Variants in DPF3 observed in about 807,000 individuals in gnomAD.
DPF3 encodes zinc finger protein DPF3.
In DPF3, 18 loss-of-function variants were observed where a neutral mutation model predicts 56.8. That is an observed-to-expected ratio of 0.32 (90% CI 0.22 to 0.47). The LOEUF (loss-of-function observed/expected upper bound fraction) is 0.47. Ranked by LOEUF, DPF3 falls within the 20% of genes least tolerant of loss-of-function variation. The pLI is 1.00. For missense variants in DPF3, 403 were observed against 488.8 expected, an observed-to-expected ratio of 0.82 and a Z score of 1.65; for synonymous variants, 188 against 180.2, an observed-to-expected ratio of 1.04 and a Z score of -0.35.
chr14:72,697,139 T>C (rs1214540147), intron 6 of DPF3, among the ~76,000 whole-genome samples: 1 of 152,212 alleles, frequency 6.6e-6, no homozygotes, highest in Admixed American at 6.5e-5. Flanking sequence ...AAGAGCCCTC[T>C]GGATGGAGCT....
rs552860921 is a variant in DPF3, at chr14:72,614,094, CT to C, written c.*5202del. Among the ~76,000 whole-genome samples the C allele has an allele frequency of 4.3e-3, 651 of 152,348 alleles. 7 individuals are homozygous for C. The highest frequency in any genetic ancestry group is 0.015 in the African/African-American group (633 of 41,582). ...GCCCAAAGGCCTTGAACCAACCCATCTGTCCCATTGTTTCCACACTCAGGGC... is the reference window on the plus strand; with the variant it reads ...GCCCAAAGGCCTTGAACCAACCCATCGTCCCATTGTTTCCACACTCAGGGC... On this transcript the variant is annotated 3_prime_UTR_variant, in exon 11 of 11. Transcript: ENST00000556509.
At chr14:72,821,497 T>C (rs1021430978) in intron 1 of DPF3, among the ~76,000 whole-genome samples, 3 of 150,966 alleles carry the variant, frequency 2.0e-5, no homozygotes, top group Non-Finnish European at 4.4e-5. Flanking sequence ...AGCCACTAGG[T>C]TGAGTAAACG....
intron 5 of DPF3, among the ~76,000 whole-genome samples, chr14:72,722,288 T>C (rs1299481637): frequency 2.0e-5 from 3 of 152,334 alleles, no homozygotes; most frequent in Admixed American, 1.3e-4. Flanking sequence ...GTCCCAGCTG[T>C]ACCAGAAGTG....
intron 1 of DPF3, among the ~76,000 whole-genome samples, chr14:72,773,489 T>C (rs762832844): frequency 6.6e-6 from 1 of 152,188 alleles, no homozygotes; most frequent in African/African-American, 2.4e-5. Context: ...ATCTTAAGTG[T>C]ACAGTTTAAG....
At chr14:72,850,807 A>G (rs1439865145) in intron 1 of DPF3, among the ~76,000 whole-genome samples, 3 of 151,748 alleles carry the variant, frequency 2.0e-5, no homozygotes, top group East Asian at 1.9e-4. Context: ...GCATGTGTGC[A>G]TGTGTGTGTG....
chr14:72,770,156 C>T (rs989287415), intron 2 of DPF3, among the ~76,000 whole-genome samples: 1 of 152,078 alleles, frequency 6.6e-6, no homozygotes, highest in Non-Finnish European at 1.5e-5. Context: ...GATGAAAGTA[C>T]ACACTACCAC....
intron 1 of DPF3, among the ~76,000 whole-genome samples, chr14:72,863,234 A>G (rs1222886503): frequency 6.6e-6 from 1 of 151,300 alleles, no homozygotes; most frequent in Non-Finnish European, 1.5e-5. Context: ...TCAAAAGACA[A>G]AGAAATCTCA....
intron 8 of DPF3, among the ~76,000 whole-genome samples, chr14:72,643,212 C>T (rs975075832): frequency 2.6e-5 from 4 of 152,210 alleles, no homozygotes; most frequent in African/African-American, 9.6e-5. Flanking sequence ...AATATAGCAA[C>T]ATTTTCTCCT....
At chr14:72,621,322 CTGTT>C (rs1884429755) in intron 9 of DPF3, among the ~76,000 whole-genome samples, 1 of 152,104 alleles carries the variant, frequency 6.6e-6, no homozygotes, top group African/African-American at 2.4e-5. Context: ...TGCTCGGAAA[CTGTT>C]TGTGATCTGG....
At chr14:72,790,808 C>T (rs190692921) in intron 1 of DPF3, among the ~76,000 whole-genome samples, 7 of 152,314 alleles carry the variant, frequency 4.6e-5, no homozygotes, top group African/African-American at 1.7e-4. Context: ...ACTTCTCCCC[C>T]CTCAAGAGCC....
intron 5 of DPF3, among the ~76,000 whole-genome samples, chr14:72,720,628 A>G (rs76606645): frequency 1.3e-5 from 2 of 152,110 alleles, no homozygotes; most frequent in Non-Finnish European, 2.9e-5. Context: ...TCTCTTTTCC[A>G]TCATTCAATC....
intron 1 of DPF3, among the ~76,000 whole-genome samples, chr14:72,812,210 A>G (rs746710428): frequency 6.6e-6 from 1 of 152,066 alleles, no homozygotes; most frequent in Non-Finnish European, 1.5e-5. Context: ...TGCTCCCACC[A>G]GCCCCGCTTA....
chr14:72,689,491 C>A (rs1388320039), intron 7 of DPF3, among the ~76,000 whole-genome samples: 1 of 152,130 alleles, frequency 6.6e-6, no homozygotes, highest in African/African-American at 2.4e-5. Context: ...AAAAGCCTCA[C>A]CAAGGGAGGA....
intron 1 of DPF3, among the ~76,000 whole-genome samples, chr14:72,848,647 T>C (rs145944741): frequency 1.3e-5 from 2 of 152,322 alleles, no homozygotes; most frequent in Non-Finnish European, 2.9e-5. Flanking sequence ...CACCATTATG[T>C]AAAGCAGGTA....
intron 1 of DPF3, among the ~76,000 whole-genome samples, chr14:72,881,951 G>C (rs1599522749): frequency 6.6e-6 from 1 of 152,202 alleles, no homozygotes; most frequent in Non-Finnish European, 1.5e-5. Flanking sequence ...TAAGTGAAGG[G>C]GGGGAAGATA....
chr14:72,842,525 G>A (rs1884588297), intron 1 of DPF3, among the ~76,000 whole-genome samples: 1 of 152,208 alleles, frequency 6.6e-6, no homozygotes, highest in Non-Finnish European at 1.5e-5. Flanking sequence ...ACTCAGAATA[G>A]TCACCCTTGG....
chr14:72,768,270 T>C (rs1891373857), intron 2 of DPF3, among the ~76,000 whole-genome samples: 1 of 152,246 alleles, frequency 6.6e-6, no homozygotes, highest in African/African-American at 2.4e-5. Flanking sequence ...TTACGTTTTC[T>C]AAATTATGTT....
At chr14:72,818,684 A>C (rs1008800518) in intron 1 of DPF3, among the ~76,000 whole-genome samples, 1 of 152,232 alleles carries the variant, frequency 6.6e-6, no homozygotes, top group African/African-American at 2.4e-5. Flanking sequence ...AAAAAGATAA[A>C]AATTTAAAAA....
intron 1 of DPF3, among the ~76,000 whole-genome samples, chr14:72,816,817 T>C (rs768763873): frequency 4.6e-5 from 7 of 152,222 alleles, no homozygotes; most frequent in Non-Finnish European, 5.9e-5. Context: ...TCTCCTCCTG[T>C]CATCTTTTAT....
Sources: gnomAD v4.1 joint callset for allele counts (sites outside exome capture counted in the v4.1 genomes callset) on GRCh38, gnomAD v4.1.1 for gene constraint, MANE v1.5 for transcripts, NCBI Gene and HGNC (gene_info 2026-07-23, HGNC 2026-07-21) for gene names.